The following GATA3 variants were observed in gnomAD, a reference collection of about 807,000 sequenced individuals.
The protein encoded by GATA3 is GATA binding protein 3.
GATA3 carries 6 observed loss-of-function variants against 36.0 expected under a neutral mutation model. That is an observed-to-expected ratio of 0.17 (90% CI 0.09 to 0.33). The LOEUF is 0.33. GATA3 is among the 10% of genes least tolerant of loss of function. The pLI, the probability that GATA3 is intolerant of heterozygous loss-of-function variation, is 1.00. For synonymous variants in GATA3, 326 were observed against 273.0 expected (o/e 1.19, Z -1.92); for missense variants, 514 against 610.1 (o/e 0.84, Z 1.66).
chr10:8,058,519 C>T lies in GATA3; in HGVS notation c.456C>T (p.Thr152=), dbSNP rs757135223. 1 of 1,612,196 alleles carries T rather than the reference C, an allele frequency of 6.2e-7. No individual in the cohort carries two copies. ...SGGHASPHLF[T]FPPTPPKDVS... is the part of the protein sequence containing the mutation. The stretch of plus-strand genomic sequence containing the variant: ...GCCACGCCAGCCCGCACCTCTTCAC[C>T]TTCCCGCCCACCCCGCCGAAGGACG... The change falls in exon 3 of 6, where the codon ACC becomes ACT. Residue 152 remains threonine, a synonymous_variant. Transcript: ENST00000379328.
At chr10:8,056,013 C>A in intron 2 of GATA3, 117 bp downstream of exon 2, 1 of 1,377,558 alleles carries the variant, frequency 7.3e-7, no homozygotes, top group Non-Finnish European at 1.0e-6. Flanking sequence ...ATCTGCCGTT[C>A]CTGGTTCATT....
At chr10:8,061,433 G>A (rs1222984437) in intron 3 of GATA3, among the ~76,000 whole-genome samples, 1 of 152,200 alleles carries the variant, frequency 6.6e-6, no homozygotes, top group Non-Finnish European at 1.5e-5. Flanking sequence ...AGCAGCTGTT[G>A]AATGTCAAGA....
At chr10:8,066,316 C>T (rs1254389803) in intron 4 of GATA3, among the ~76,000 whole-genome samples, 1 of 152,116 alleles carries the variant, frequency 6.6e-6, no homozygotes, top group Non-Finnish European at 1.5e-5. Context: ...ATGACTGTCA[C>T]ATTTTCATCT....
At chr10:8,056,251 G>T (rs2131484066) in intron 2 of GATA3, among the ~76,000 whole-genome samples, 1 of 152,256 alleles carries the variant, frequency 6.6e-6, no homozygotes, top group East Asian at 1.9e-4. Context: ...CTGCCTCCGC[G>T]GGTCCGGGCT....
upstream of GATA3, among the ~76,000 whole-genome samples, chr10:8,049,470 A>G (rs1372666621): frequency 6.6e-6 from 1 of 152,230 alleles, no homozygotes; most frequent in Non-Finnish European, 1.5e-5. Context: ...TCAGCTCGCA[A>G]GGGAAAGAAA....
chr10:8,053,492 G>C (rs1454839472), upstream of GATA3: 1 of 152,228 alleles, frequency 6.6e-6, no homozygotes, highest in Non-Finnish European at 1.5e-5. This position sits in a 1 kb window ranked among gnomAD's most constrained non-coding sequence, Gnocchi z 5.1. Flanking sequence ...AAAGGACCGA[G>C]CGGGCGGTGC....
Position 8,055,428 on chromosome 10 carries a change from C to G in GATA3, c.-228C>G. ...CCGTACCCAGTTTTTGGATTTTTGT[C>G]TTCCCCTTCTTCTCTTTGCTAAACG... is the stretch of plus-strand genomic sequence containing the variant. On this transcript the variant is annotated 5_prime_UTR_variant, in exon 2 of 6. Coordinates refer to ENST00000379328, the MANE Select transcript of GATA3 (RefSeq NM_001002295.2). The surrounding 1 kb of genome is among the most constrained non-coding windows in gnomAD (Gnocchi z 5.4). 2.0e-4 allele frequency: 116 copies of G among 581,964 alleles called. No homozygotes were observed. Among genetic ancestry groups the G allele is most frequent in the Middle Eastern group, 4.6e-4 (1 of 2,162 alleles). 36.1% of individuals were successfully genotyped at this position (581,964 alleles called of 1,614,324 possible).
At chr10:8,059,015 T>C (rs1832703455) in intron 3 of GATA3, among the ~76,000 whole-genome samples, 174 bp downstream of exon 3, 1 of 152,188 alleles carries the variant, frequency 6.6e-6, no homozygotes, top group Non-Finnish European at 1.5e-5. Context: ...CCATCCTAGC[T>C]CACGCCTGGC....
In GATA3 at chr10:8,069,667, C is replaced by T. The variant is rs960007745; in HGVS notation, c.1050+69C>T. 3.8e-6 allele frequency: 6 copies of T among 1,564,748 alleles called. No individual in the cohort carries two copies. The South Asian group carries it at 6.7e-5, about 18-fold the overall frequency. ...GGTGACCAGCAAACAGCGTCACCACCACCCTCTCCAAGTGAATCGCTCACC... is the reference window on the plus strand; with the variant it reads ...GGTGACCAGCAAACAGCGTCACCACTACCCTCTCCAAGTGAATCGCTCACC... On this transcript the variant is annotated intron_variant, in intron 5 of 5. Coordinates refer to ENST00000379328, the MANE Select transcript of GATA3 (RefSeq NM_001002295.2).
rs200765508 is a variant in GATA3 at position 8,058,394 on chromosome 10, C to T, written c.331C>T (p.Pro111Ser). ...KALGSHHTAS[P>S]WNLSPFSKTS... ...CCTGGGCAGCCACCACACCGCCTCC[C>T]CCTGGAATCTCAGCCCCTTCTCCAA... Residue 111 changes from proline (P) to serine (S), a missense_variant, in exon 3 of 6, where the codon CCC becomes TCC. Physicochemically the swap from Pro to Ser is moderately conservative, Grantham distance 74 (BLOSUM62 -1). Coordinates refer to ENST00000379328, the MANE Select transcript of GATA3 (RefSeq NM_001002295.2). 6 of 1,612,892 alleles carry T rather than the reference C, an allele frequency of 3.7e-6. No individual in the cohort carries two copies. In the South Asian group the frequency reaches 4.4e-5, roughly 12 times the overall value.
chr10:8,050,804 C>T, upstream of GATA3: 1 of 393,928 alleles, frequency 2.5e-6, no homozygotes, highest in South Asian at 2.0e-5. Context: ...TAAACACGCT[C>T]AAATGACCGC....
chr10:8,049,906 T>C (rs778251671), upstream of GATA3, among the ~76,000 whole-genome samples: 101 of 152,262 alleles, frequency 6.6e-4, no homozygotes, highest in Non-Finnish European at 1.1e-3. Flanking sequence ...CACGGCCCGG[T>C]CCTCCGGCTT....
chr10:8,055,413 T>G lies in GATA3; in HGVS notation c.-243T>G. On this transcript the variant is annotated 5_prime_UTR_variant, in exon 2 of 6. Coordinates refer to ENST00000379328, the MANE Select transcript of GATA3 (RefSeq NM_001002295.2). This position sits in a 1 kb window ranked among gnomAD's most constrained non-coding sequence, Gnocchi z 5.4. ...TCCCGTTTTATTCTGCCGTACCCAG[T>G]TTTTGGATTTTTGTCTTCCCCTTCT... 4 of 573,916 alleles carry G rather than the reference T, an allele frequency of 7.0e-6. No individual in the cohort carries two copies. The highest frequency in any genetic ancestry group is 1.2e-5 in the Non-Finnish European group (4 of 323,000). The allele number at this position is 573,916 out of a possible 1,614,324, so 35.6% of individuals were successfully genotyped here. A position where few individuals can be genotyped will look rare whatever the true frequency, so the allele number is the denominator to read the frequency against.
chr10:8,066,422 A>G (rs567528), intron 4 of GATA3, among the ~76,000 whole-genome samples: 7,674 of 131,686 alleles, frequency 0.058, 276 homozygotes, highest in African/African-American at 0.12. Flanking sequence ...GGACACACTC[A>G]GATTTCTTTT....
chr10:8,052,787 A>G (rs1447062652), upstream of GATA3: 1 of 151,136 alleles, frequency 6.6e-6, no homozygotes, highest in Non-Finnish European at 1.5e-5. Flanking sequence ...AGATGCGGGC[A>G]GCCTGGCTGG....
intron 1 of GATA3, among the ~76,000 whole-genome samples, chr10:8,047,916 T>G (rs1361876307): frequency 1.3e-5 from 2 of 151,968 alleles, no homozygotes; most frequent in Non-Finnish European, 2.9e-5. Flanking sequence ...CATGGATTTT[T>G]TTTTTCACCA....
chr10:8,047,617 G>A (rs549989739), intron 1 of GATA3, among the ~76,000 whole-genome samples: 22 of 152,368 alleles, frequency 1.4e-4, no homozygotes, highest in African/African-American at 4.3e-4. Flanking sequence ...GGGTGCAGAG[G>A]TGGGTGCGGC....
At chr10:8,054,025 A>C (rs1354007301), upstream of GATA3, among the ~76,000 whole-genome samples, 1 of 152,206 alleles carries the variant, frequency 6.6e-6, no homozygotes, top group Admixed American at 6.5e-5. This position sits in a 1 kb window ranked among gnomAD's most constrained non-coding sequence, Gnocchi z 4.2. Context: ...TTGAGAGCGC[A>C]GAAGGCTCGG....
At chr10:8,069,857 T>C (rs1832903289) in intron 5 of GATA3, among the ~76,000 whole-genome samples, 1 of 151,680 alleles carries the variant, frequency 6.6e-6, no homozygotes, top group South Asian at 2.1e-4. Context: ...AGCAATCCGA[T>C]GTGCTGAGTG....
Sources: gnomAD v4.1 joint callset for allele counts (sites outside exome capture counted in the v4.1 genomes callset) on GRCh38, gnomAD v4.1.1 for gene constraint, Gnocchi (gnomAD v3.1) non-coding constraint, MANE v1.5 for transcripts, NCBI Gene and HGNC (gene_info 2026-07-23, HGNC 2026-07-21) for gene names.